OCA2: variants seen among roughly 807,000 people sequenced by gnomAD.
The protein encoded by OCA2 is P protein.
A neutral mutation model predicts 100.2 loss-of-function variants in OCA2; 77 were observed. That is an observed-to-expected ratio of 0.77 (90% CI 0.64 to 0.93). The LOEUF is 0.93. Among genes scored for constraint, OCA2 ranks in the 40% least tolerant of loss-of-function variants. The probability of loss-of-function intolerance (pLI) is 0.00; values close to 1 mark genes in which losing one functional copy is unlikely to be tolerated. For missense variants in OCA2, 1,062 were observed against 1,089.1 expected (o/e 0.98, Z 0.35); for synonymous variants, 432 against 439.2 (o/e 0.98, Z 0.21).
Position 27,824,602 on chromosome 15 carries a change from C to CTCTCTCTCTCTCTCTCTCTCTATATA in OCA2, c.2432+20356_2432+20357insTATATAGAGAGAGAGAGAGAGAGAGA. On this transcript the variant is annotated intron_variant, in intron 23 of 23. Transcript: ENST00000354638. Reference sequence around the variant, plus strand: ...TTTCTCTCTCTCTCTCTCTCTCTCTCTATATATATATATATATATAATATA... The same window carrying CTCTCTCTCTCTCTCTCTCTCTATATA: ...TTTCTCTCTCTCTCTCTCTCTCTCTCTCTCTCTCTCTCTCTCTCTCTATATATATATATATATATATATATAATATA... 3.3e-3 allele frequency among the ~76,000 whole-genome samples: 156 copies of CTCTCTCTCTCTCTCTCTCTCTATATA among 47,544 alleles called. 1 individual carries two copies. Among genetic ancestry groups the CTCTCTCTCTCTCTCTCTCTCTATATA allele is most frequent in the South Asian group, 7.7e-3 (5 of 652 alleles). The allele number at this position is 47,544 out of a possible 152,430, so 31.2% of individuals were successfully genotyped here.
At chr15:27,883,120 G>A (rs560329580) in intron 19 of OCA2, among the ~76,000 whole-genome samples, 2 of 152,224 alleles carry the variant, frequency 1.3e-5, no homozygotes, top group Admixed American at 6.5e-5. Flanking sequence ...TGGCCTGCAG[G>A]TGCTGCTCTC....
In OCA2 at chr15:27,989,586, G is replaced by A. The variant is rs747777010; in HGVS notation, c.1182+15C>T. 5.0e-6 allele frequency: 8 copies of A among 1,612,204 alleles called. No individual in the cohort carries two copies. The East Asian group carries it at 1.8e-4, about 36-fold the overall frequency. On this transcript the variant is annotated intron_variant, in intron 11 of 23. Coordinates refer to ENST00000354638, the MANE Select transcript of OCA2 (RefSeq NM_000275.3). ...CAGGCGTGGAGCCCAGTCCCACGGG[G>A]AGAGCTGTAATTACCATGCCAAACA...
At chr15:28,073,671 C>T (rs899934446) in intron 2 of OCA2, among the ~76,000 whole-genome samples, 5 of 152,128 alleles carry the variant, frequency 3.3e-5, no homozygotes, top group Non-Finnish European at 5.9e-5. Flanking sequence ...ACCTAGGTGA[C>T]GGGATCCATA....
intron 9 of OCA2, among the ~76,000 whole-genome samples, chr15:27,993,524 A>G (rs2041624031): frequency 6.6e-6 from 1 of 152,166 alleles, no homozygotes; most frequent in African/African-American, 2.4e-5. Flanking sequence ...TCATGAAATC[A>G]TGAGTCCTAG....
intron 22 of OCA2, 62 bp downstream of exon 22, chr15:27,851,320 C>T (rs2035740294): frequency 7.4e-7 from 1 of 1,353,756 alleles, no homozygotes; most frequent in Admixed American, 1.8e-5. Context: ...CTAACTGTTG[C>T]TTTGGGCTGA....
At chr15:27,796,384 C>G (rs962156908) in intron 23 of OCA2, among the ~76,000 whole-genome samples, 4 of 152,282 alleles carry the variant, frequency 2.6e-5, no homozygotes, top group African/African-American at 9.6e-5. Context: ...ACACCAGCAC[C>G]CTTACCTGGC....
At chr15:28,072,691 G>A (rs576842862) in intron 2 of OCA2, among the ~76,000 whole-genome samples, 4 of 151,482 alleles carry the variant, frequency 2.6e-5, no homozygotes, top group African/African-American at 9.7e-5. Flanking sequence ...ACAAACATAT[G>A]AAAAAGCGCT....
At chr15:28,081,960 G>A in intron 1 of OCA2, 65 bp from the exon 2 acceptor site, 1 of 1,319,812 alleles carries the variant, frequency 7.6e-7, no homozygotes, top group Non-Finnish European at 1.1e-6. Context: ...TTGCACCTTG[G>A]GAGTCCGTAC....
intron 6 of OCA2, among the ~76,000 whole-genome samples, chr15:28,021,799 G>C (rs1441426483): frequency 6.6e-6 from 1 of 152,194 alleles, no homozygotes; most frequent in Non-Finnish European, 1.5e-5. Flanking sequence ...GCAGCCATGA[G>C]AAGGTAGGAG....
intron 19 of OCA2, among the ~76,000 whole-genome samples, chr15:27,882,436 C>A: frequency 6.6e-6 from 1 of 152,190 alleles, no homozygotes; most frequent in East Asian, 1.9e-4. Context: ...CCCCTGAGAA[C>A]TCCCAACCTT....
Position 28,070,518 on chromosome 15 carries a change from C to T in OCA2, c.227+11130G>A, listed in dbSNP as rs1280536120. On this transcript the variant is annotated intron_variant, in intron 2 of 23. Coordinates refer to ENST00000354638, the MANE Select transcript of OCA2 (RefSeq NM_000275.3). ...GGGGTCAGCCCCCCGCCTGGCCAGC[C>T]GCCCCGTCCGGGAGGGAGGTGGGGG... Among the ~76,000 whole-genome samples, 380 of 140,992 alleles carry T rather than the reference C, an allele frequency of 2.7e-3. 5 individuals carry two copies. The highest frequency in any genetic ancestry group is 4.1e-3 in the Admixed American group (60 of 14,506). 92.5% of individuals were successfully genotyped at this position (140,992 alleles called of 152,430 possible). A position where few individuals can be genotyped will look rare whatever the true frequency, so the allele number is the denominator to read the frequency against.
At chr15:27,912,483 C>G (rs2038435667) in intron 19 of OCA2, among the ~76,000 whole-genome samples, 1 of 152,120 alleles carries the variant, frequency 6.6e-6, no homozygotes, top group Admixed American at 6.5e-5. Flanking sequence ...GAAGCTGCTC[C>G]CAGTGGTCAA....
At chr15:27,946,942 C>A (rs779567281) in intron 18 of OCA2, among the ~76,000 whole-genome samples, 2 of 152,222 alleles carry the variant, frequency 1.3e-5, no homozygotes, top group Non-Finnish European at 1.5e-5. Context: ...GGGCCTGCCC[C>A]ACACTCAGAA....
chr15:27,727,677 A>C, the OCA2 span, among the ~76,000 whole-genome samples: 3 of 152,164 alleles, frequency 2.0e-5, no homozygotes, highest in African/African-American at 7.2e-5. Context: ...CTAAAAGACA[A>C]CACCAAGAAA....
chr15:27,860,869 G>C (rs994172093), intron 21 of OCA2, among the ~76,000 whole-genome samples: 1 of 152,340 alleles, frequency 6.6e-6, no homozygotes, highest in East Asian at 1.9e-4. Context: ...CTGCAGTGAA[G>C]TCAGCAGAGA....
intron 2 of OCA2, among the ~76,000 whole-genome samples, chr15:28,065,467 G>A (rs557521706): frequency 7.0e-4 from 107 of 152,240 alleles, no homozygotes; most frequent in African/African-American, 2.5e-3. Flanking sequence ...TATGTTCTGA[G>A]TTAGGCAAAA....
chr15:27,729,386 T>C, the OCA2 span, among the ~76,000 whole-genome samples: 2 of 151,554 alleles, frequency 1.3e-5, no homozygotes, highest in Non-Finnish European at 2.9e-5. Flanking sequence ...TATTTCCAAT[T>C]TCAAAGCCAC....
chr15:27,919,187 G>A (rs1227227744), intron 19 of OCA2, among the ~76,000 whole-genome samples: 3 of 152,092 alleles, frequency 2.0e-5, no homozygotes, highest in Admixed American at 2.0e-4. Flanking sequence ...GATCCCATAA[G>A]CTCCTGGAAT....
At chr15:27,778,312 T>C (rs898832163) in intron 23 of OCA2, among the ~76,000 whole-genome samples, 5 of 152,228 alleles carry the variant, frequency 3.3e-5, no homozygotes, top group Admixed American at 2.6e-4. Context: ...CAGCATTCAT[T>C]CTTCTGTTTC....
Sources: gnomAD v4.1 joint callset for allele counts (sites outside exome capture counted in the v4.1 genomes callset) on GRCh38, gnomAD v4.1.1 for gene constraint, MANE v1.5 for transcripts, NCBI Gene and HGNC (gene_info 2026-07-23, HGNC 2026-07-21) for gene names.